The following NUP205 variants were observed in gnomAD, a reference collection of about 807,000 sequenced individuals.
The protein encoded by NUP205 is nuclear pore complex protein Nup205.
NUP205 carries 76 observed loss-of-function variants against 253.8 expected under a neutral mutation model. The observed-to-expected ratio is 0.30, with a 90% CI of 0.25 to 0.36. The LOEUF (loss-of-function observed/expected upper bound fraction) is 0.36. NUP205 is among the 10% of genes least tolerant of loss of function. NUP205 has a pLI of 1.00. For missense variants in NUP205, 2,162 were observed against 2,425.5 expected, an observed-to-expected ratio of 0.89 and a Z score of 2.28; for synonymous variants, 832 against 850.1, an observed-to-expected ratio of 0.98 and a Z score of 0.37.
In NUP205 at chr7:135,607,261, C is replaced by G. The variant is rs760597588; in HGVS notation, c.3085C>G (p.Pro1029Ala). Residue 1029 changes from proline (P) to alanine (A), a missense_variant, in exon 22 of 43, where the codon CCT (proline) becomes GCT (alanine). Physicochemically the swap from Pro to Ala is conservative, Grantham distance 27. This residue lies in a region of NUP205 where 1,144 missense variants were observed against 1,280.9 expected (regional missense o/e 0.89). Coordinates refer to ENST00000285968, the MANE Select transcript of NUP205 (RefSeq NM_015135.3). ...GTTTCATGCAGGAGTGTTAGGTTGC[C>G]CTCGGACATGCCTTCACGCCATTCT... ...NLQDPGVLGC[P>A]RTCLHAILNI... 2 of 1,613,856 alleles carry G rather than the reference C, an allele frequency of 1.2e-6. No homozygotes were observed. The highest frequency in any genetic ancestry group is 2.2e-5 in the South Asian group (2 of 90,994).
At chr7:135,635,702 A>G (rs895620196) in intron 36 of NUP205, 45 bp downstream of exon 36, 1 of 1,128,608 alleles carries the variant, frequency 8.9e-7, no homozygotes, top group Non-Finnish European at 1.3e-6. Flanking sequence ...AAGACATGTT[A>G]CAAAATATAC....
At position 135,592,980 on chromosome 7, in the gene NUP205, T is replaced by A; in HGVS notation, c.1625-7T>A. On this transcript the variant is annotated splice_polypyrimidine_tract_variant and splice_region_variant and intron_variant, in intron 11 of 42. Coordinates refer to ENST00000285968, the MANE Select transcript of NUP205 (RefSeq NM_015135.3). ...TAAATAAAATTCTGTGCTGTTTTTC[T>A]TTATAGTTGAAAATATTCAGGGAGC... 1 of 1,598,340 alleles carries A rather than the reference T, an allele frequency of 6.3e-7. No homozygotes were observed. Among genetic ancestry groups the A allele is most frequent in the Non-Finnish European group, 8.6e-7 (1 of 1,166,278 alleles).
intron 19 of NUP205, 79 bp downstream of exon 19, chr7:135,604,539 A>G: frequency 7.4e-7 from 1 of 1,347,798 alleles, no homozygotes; most frequent in Non-Finnish European, 1.0e-6. Flanking sequence ...GTGTCTATGG[A>G]GGAATCATAT....
chr7:135,619,976 T>A, intron 30 of NUP205, 88 bp downstream of exon 30: 1 of 824,010 alleles, frequency 1.2e-6, no homozygotes, highest in Non-Finnish European at 2.0e-6. Flanking sequence ...ATCTTTTGAC[T>A]AATCACAACT....
At chr7:135,578,108 GC>G in intron 6 of NUP205, 84 bp downstream of exon 6, 12 of 953,374 alleles carry the variant, frequency 1.3e-5, no homozygotes, top group Non-Finnish European at 2.0e-5. Flanking sequence ...TGATATTTTA[GC>G]TACTAAAATA....
Position 135,616,721 on chromosome 7 carries a change from CA to C in NUP205, c.3531del (p.Val1178TyrfsTer6). 1 of 1,532,986 alleles carries C rather than the reference CA, an allele frequency of 6.5e-7. No individual in the cohort carries two copies. The highest frequency in any genetic ancestry group is 8.8e-7 in the Non-Finnish European group (1 of 1,138,578). 95.0% of individuals were successfully genotyped at this position (1,532,986 alleles called of 1,614,324 possible). A position where few individuals can be genotyped will look rare whatever the true frequency, so the allele number is the denominator to read the frequency against. On this transcript the variant is annotated frameshift_variant, in exon 25 of 43. Transcript: ENST00000285968. LOFTEE classifies it high-confidence loss of function. ...GGGTTCCTTCACTTTGACACTGCTA[CA>C]AAAGGTAATGCCCTTTGAATTTGTA... ...VSGFLHFDTA[T>X]KVRRKILNIL...
At chr7:135,617,725 C>T in intron 27 of NUP205, 43 bp downstream of exon 27, 1 of 1,275,546 alleles carries the variant, frequency 7.8e-7, no homozygotes, top group African/African-American at 1.5e-5. Context: ...CTTCTAACTA[C>T]TTAGGTTGCT....
intron 1 of NUP205, among the ~76,000 whole-genome samples, chr7:135,563,241 G>A (rs1805640521): frequency 6.6e-6 from 1 of 152,132 alleles, no homozygotes; most frequent in South Asian, 2.1e-4. Context: ...AGGCTGGAGT[G>A]CAGTGGCGTG....
chr7:135,638,371 C>T (rs566482160), intron 37 of NUP205, among the ~76,000 whole-genome samples, 186 bp from the exon 38 acceptor site: 1 of 147,804 alleles, frequency 6.8e-6, no homozygotes, highest in South Asian at 2.2e-4. Flanking sequence ...GCCAAGATCA[C>T]GCCACTGCAT....
rs756664467 is a variant in NUP205, at chr7:135,601,524, CT to C, written c.2512+19del. 1 of 1,601,388 alleles carries C rather than the reference CT, an allele frequency of 6.2e-7. No homozygotes were observed. Among genetic ancestry groups the C allele is most frequent in the Non-Finnish European group, 8.5e-7 (1 of 1,176,104 alleles). On this transcript the variant is annotated intron_variant, in intron 17 of 42. Transcript: ENST00000285968. ...CCTTTCCTGGTATATGCTTAAAAGC[CT>C]TCATGTCTTGCAAACAGCTTTGATG...
At chr7:135,637,451 A>G (rs1794830383) in intron 36 of NUP205, among the ~76,000 whole-genome samples, 1 of 152,246 alleles carries the variant, frequency 6.6e-6, no homozygotes, top group African/African-American at 2.4e-5. Flanking sequence ...TTATCTTCCA[A>G]GGTGATCTGT....
chr7:135,636,532 G>T (rs1283469592), intron 36 of NUP205, among the ~76,000 whole-genome samples: 1 of 152,014 alleles, frequency 6.6e-6, no homozygotes, highest in Non-Finnish European at 1.5e-5. Context: ...ATCTTTTATT[G>T]GTATGGAGGA....
At chr7:135,638,794 T>A in intron 38 of NUP205, 111 bp downstream of exon 38, 1 of 1,073,896 alleles carries the variant, frequency 9.3e-7, no homozygotes, top group Admixed American at 2.0e-5. Context: ...GTGTCATTAA[T>A]GGGAAACATT....
intron 1 of NUP205, among the ~76,000 whole-genome samples, chr7:135,563,106 C>G (rs6467596): frequency 0.13 from 20,414 of 152,176 alleles, 1,532 homozygotes; most frequent in East Asian, 0.24. Flanking sequence ...TCAGAGTCCC[C>G]TATTATGTGA....
chr7:135,639,033 G>A (rs1253285421), intron 38 of NUP205, among the ~76,000 whole-genome samples: 2 of 152,258 alleles, frequency 1.3e-5, no homozygotes, highest in East Asian at 3.9e-4. Context: ...TGAATTCAGT[G>A]TCTAAACTGG....
chr7:135,597,791 C>A (rs1793877280), intron 14 of NUP205: 2 of 526,522 alleles, frequency 3.8e-6, no homozygotes. Flanking sequence ...AGTTTGGGGA[C>A]AGTAAGTGGG....
At chr7:135,598,945 C>T (rs956230613) in intron 15 of NUP205, 9 of 152,050 alleles carry the variant, frequency 5.9e-5, no homozygotes, top group Admixed American at 1.3e-4. Context: ...GTCTATAATA[C>T]TGTTTATTAA....
chr7:135,599,223 A>G (rs1180597416), intron 15 of NUP205, among the ~76,000 whole-genome samples: 1 of 152,112 alleles, frequency 6.6e-6, no homozygotes, highest in East Asian at 1.9e-4. Flanking sequence ...TTCATGTCCT[A>G]AGATATTCTT....
Position 135,560,759 on chromosome 7 carries a change from G to A in NUP205, c.28+2787G>A, listed in dbSNP as rs182440586. Reference sequence around the variant, plus strand: ...AAATACTACATGATTCCACTTATATGAGGTATCTGAAGTAGTCATACTCAT... The same window carrying A: ...AAATACTACATGATTCCACTTATATAAGGTATCTGAAGTAGTCATACTCAT... On this transcript the variant is annotated intron_variant, in intron 1 of 42. Transcript: ENST00000285968. 6.3e-4 allele frequency among the ~76,000 whole-genome samples: 96 copies of A among 152,276 alleles called. 2 individuals are homozygous for A. The highest frequency in any genetic ancestry group is 4.5e-3 in the Admixed American group (68 of 15,278).
Sources: allele counts gnomAD v4.1 joint callset (sites outside exome capture counted in the v4.1 genomes callset), GRCh38; gene constraint gnomAD v4.1.1; regional missense constraint gnomAD v4.1.1; transcripts MANE v1.5; gene names NCBI Gene and HGNC (gene_info 2026-07-23, HGNC 2026-07-21).